Variants in ACSS2 observed in about 807,000 individuals in gnomAD.
ACSS2 encodes acetyl-coenzyme A synthetase, cytoplasmic.
ACSS2 carries 58 observed loss-of-function variants against 90.6 expected under a neutral mutation model. The ratio of observed to expected loss-of-function variants is 0.64; its 90% CI spans 0.52 to 0.80. The LOEUF is 0.80. Ranked by LOEUF, ACSS2 falls within the 30% of genes least tolerant of loss-of-function variation. The pLI is 0.00. For synonymous variants in ACSS2, 300 were observed against 330.9 expected (o/e 0.91, Z 1.01); for missense variants, 759 against 912.0 (o/e 0.83, Z 2.16).
At chr20:34,890,288 C>G (rs1237071846) in intron 2 of ACSS2, among the ~76,000 whole-genome samples, 1 of 152,174 alleles carries the variant, frequency 6.6e-6, no homozygotes, top group African/African-American at 2.4e-5. Flanking sequence ...TAAATTTTCC[C>G]TGCAAAATAC....
At chr20:34,899,434 C>CCTTCCTTCCTTCCTTCCTTA (rs2080583462) in intron 2 of ACSS2, among the ~76,000 whole-genome samples, 1 of 108,682 alleles carries the variant, frequency 9.2e-6, no homozygotes, top group African/African-American at 3.9e-5. Context: ...TTCCTTCCTT[C>CCTTCCTTCCTTCCTTCCTTA]CTTCCTTCCT....
Position 34,921,412 on chromosome 20 carries a change from G to C in ACSS2, c.1360G>C (p.Val454Leu). The C allele has an allele frequency of 6.2e-7, 1 of 1,614,206 alleles. No homozygotes were observed. Residue 454 changes from valine to leucine, a missense_variant, in exon 11 of 18, where the codon GTA becomes CTA. Val to Leu is a conservative substitution (Grantham distance 32, BLOSUM62 1). Coordinates refer to ENST00000360596, the MANE Select transcript of ACSS2 (RefSeq NM_018677.4). ...PEAWLWYHRVVGAQRCPIVDT... is the reference protein window; with the variant it reads ...PEAWLWYHRVLGAQRCPIVDT... ...GGCCTGGCTATGGTACCACCGGGTGGTAGGTGCCCAGCGCTGCCCCATCGT... is the reference window on the plus strand; with the variant it reads ...GGCCTGGCTATGGTACCACCGGGTGCTAGGTGCCCAGCGCTGCCCCATCGT...
intron 2 of ACSS2, among the ~76,000 whole-genome samples, chr20:34,894,156 A>G (rs751172671): frequency 3.9e-5 from 6 of 152,216 alleles, no homozygotes; most frequent in Non-Finnish European, 8.8e-5. Context: ...GCTTTTGAGG[A>G]TGGTTACTTG....
intron 2 of ACSS2, among the ~76,000 whole-genome samples, chr20:34,885,621 AT>A (rs1351101573): frequency 1.3e-5 from 2 of 152,246 alleles, no homozygotes; most frequent in Admixed American, 6.5e-5. Context: ...GTGTATTAGC[AT>A]AGTAAAATCT....
intron 1 of ACSS2, among the ~76,000 whole-genome samples, chr20:34,880,896 G>A (rs891307925): frequency 6.6e-6 from 1 of 151,622 alleles, no homozygotes; most frequent in Non-Finnish European, 1.5e-5. Context: ...TCTAAATTGT[G>A]TAACCTGAAA....
Position 34,908,301 on chromosome 20 carries a change from C to T in ACSS2, c.375-4795C>T, listed in dbSNP as rs867832575. Among the ~76,000 whole-genome samples, 13 of 152,236 alleles carry T rather than the reference C, an allele frequency of 8.5e-5. No homozygotes were observed. In the East Asian group the frequency reaches 1.2e-3, roughly 14 times the overall value. On this transcript the variant is annotated intron_variant, in intron 2 of 17. Transcript: ENST00000360596. Reference sequence around the variant, plus strand: ...TCTTACTATTGCCTACAAGGCTCTACGTGATTTGGCTGCTGCCTACCTCTC... The same window carrying T: ...TCTTACTATTGCCTACAAGGCTCTATGTGATTTGGCTGCTGCCTACCTCTC...
chr20:34,890,042 A>G (rs1376473058), intron 2 of ACSS2, among the ~76,000 whole-genome samples: 2 of 152,220 alleles, frequency 1.3e-5, no homozygotes, highest in Non-Finnish European at 2.9e-5. Flanking sequence ...GGAATGGAAC[A>G]ATGACATTTT....
chr20:34,920,887 C>A, intron 9 of ACSS2, 119 bp from the exon 10 acceptor site: 1 of 1,523,820 alleles, frequency 6.6e-7, no homozygotes, highest in Non-Finnish European at 8.9e-7. Flanking sequence ...GCTTGTCTGG[C>A]CAGGGAGTGA....
chr20:34,924,673 A>T (rs574688111), intron 14 of ACSS2, among the ~76,000 whole-genome samples: 31 of 147,184 alleles, frequency 2.1e-4, no homozygotes, highest in African/African-American at 7.9e-4. Context: ...TACAGTGGGA[A>T]ACCTTTTTTT....
chr20:34,897,128 G>C (rs990362461), intron 2 of ACSS2, among the ~76,000 whole-genome samples: 1 of 151,988 alleles, frequency 6.6e-6, no homozygotes, highest in Non-Finnish European at 1.5e-5. Context: ...TGGAAAGGAA[G>C]GTTTGTAAAG....
At chr20:34,882,658 G>A (rs932325688) in intron 1 of ACSS2, 136 bp from the exon 2 acceptor site, 84 of 715,608 alleles carry the variant, frequency 1.2e-4, no homozygotes, top group Non-Finnish European at 5.9e-5. Flanking sequence ...AGATTAGACA[G>A]GTAAAGAAGG....
chr20:34,881,187 T>A (rs2080064730), intron 1 of ACSS2, among the ~76,000 whole-genome samples: 1 of 150,416 alleles, frequency 6.6e-6, no homozygotes, highest in African/African-American at 2.5e-5. Flanking sequence ...CTACCACACC[T>A]GGCAATTTTT....
intron 2 of ACSS2, among the ~76,000 whole-genome samples, chr20:34,886,756 C>A (rs1304460759): frequency 1.3e-5 from 2 of 152,206 alleles, no homozygotes; most frequent in African/African-American, 4.8e-5. Context: ...AAAGTTCTCC[C>A]TCTTGGAGCT....
At chr20:34,922,026 C>G in intron 13 of ACSS2, 160 bp downstream of exon 13, 1 of 1,394,806 alleles carries the variant, frequency 7.2e-7, no homozygotes, top group Non-Finnish European at 9.3e-7. Flanking sequence ...AGGGGACCCT[C>G]GATACTTTGC....
chr20:34,916,770 A>G (rs1036845793), intron 7 of ACSS2, among the ~76,000 whole-genome samples: 2 of 152,024 alleles, frequency 1.3e-5, no homozygotes, highest in African/African-American at 2.4e-5. Context: ...TCCTTAAACA[A>G]TCTTCCAGGG....
intron 2 of ACSS2, among the ~76,000 whole-genome samples, chr20:34,904,793 A>G (rs1020435674): frequency 1.2e-4 from 18 of 152,146 alleles, no homozygotes; most frequent in African/African-American, 3.9e-4. Context: ...CACACCAACC[A>G]TATGGCCTCC....
chr20:34,896,130 C>T (rs1212986924), intron 2 of ACSS2, among the ~76,000 whole-genome samples: 1 of 152,136 alleles, frequency 6.6e-6, no homozygotes, highest in African/African-American at 2.4e-5. Flanking sequence ...TGTAAGTAGG[C>T]ATGTAGGCAG....
intron 2 of ACSS2, among the ~76,000 whole-genome samples, chr20:34,889,195 T>G (rs1349550229): frequency 6.6e-6 from 1 of 152,080 alleles, no homozygotes; most frequent in Non-Finnish European, 1.5e-5. Context: ...CAATCTTCGC[T>G]CACTGCAAGC....
At chr20:34,887,148 G>T (rs1442193627) in intron 2 of ACSS2, among the ~76,000 whole-genome samples, 1 of 152,198 alleles carries the variant, frequency 6.6e-6, no homozygotes. Context: ...TCTCTTCAAA[G>T]ATTGGTAGAT....
Sources: gnomAD v4.1 joint callset for allele counts (sites outside exome capture counted in the v4.1 genomes callset) on GRCh38, gnomAD v4.1.1 for gene constraint, MANE v1.5 for transcripts, NCBI Gene and HGNC (gene_info 2026-07-23, HGNC 2026-07-21) for gene names.